Variants in RAB40C observed in about 807,000 individuals in gnomAD.
The protein encoded by RAB40C is ras-related protein Rab-40C.
RAB40C carries 8 observed loss-of-function variants against 28.1 expected under a neutral mutation model. That is an observed-to-expected ratio of 0.28 (90% CI 0.17 to 0.51). The LOEUF is 0.51. RAB40C is among the 20% of genes least tolerant of loss of function. The pLI is 0.97. For missense variants in RAB40C, 288 were observed against 405.9 expected (o/e 0.71, Z 2.50); for synonymous variants, 201 against 171.7 (o/e 1.17, Z -1.34).
chr16:595,956 A>G (rs1418399243), intron 1 of RAB40C, among the ~76,000 whole-genome samples: 1 of 152,236 alleles, frequency 6.6e-6, no homozygotes, highest in Non-Finnish European at 1.5e-5. Context: ...AATTTTCAGG[A>G]AACTGTTGAG....
At chr16:618,442 T>C (rs2036635647) in intron 3 of RAB40C, among the ~76,000 whole-genome samples, 182 bp downstream of exon 3, 2 of 152,232 alleles carry the variant, frequency 1.3e-5, no homozygotes, top group Non-Finnish European at 2.9e-5. Context: ...CAGGCTGGAG[T>C]ACAGTGGCAC....
intron 1 of RAB40C, among the ~76,000 whole-genome samples, chr16:595,311 A>T (rs962173066): frequency 6.6e-6 from 1 of 152,110 alleles, no homozygotes; most frequent in Non-Finnish European, 1.5e-5. Flanking sequence ...CAGACGAGGG[A>T]TTGAGGCTCA....
intron 1 of RAB40C, among the ~76,000 whole-genome samples, chr16:612,762 C>CA (rs1279104912): frequency 2.1e-4 from 3 of 14,028 alleles, no homozygotes; most frequent in African/African-American, 4.6e-4. Context: ...GAATCAAGAG[C>CA]AGGGACAGCC....
intron 1 of RAB40C, among the ~76,000 whole-genome samples, chr16:599,212 G>A (rs1406093485): frequency 1.3e-5 from 2 of 152,252 alleles, no homozygotes; most frequent in South Asian, 4.1e-4. Context: ...GGCCCCGGCC[G>A]AAGCTGCCAC....
At chr16:625,340 C>G in intron 3 of RAB40C, 92 bp from the exon 4 acceptor site, 2 of 1,546,918 alleles carry the variant, frequency 1.3e-6, no homozygotes, top group Non-Finnish European at 1.8e-6. Flanking sequence ...TGGCCCTGCC[C>G]GGGAACTGAG....
At chr16:601,001 C>T (rs1301802862) in intron 1 of RAB40C, among the ~76,000 whole-genome samples, 1 of 152,192 alleles carries the variant, frequency 6.6e-6, no homozygotes, top group African/African-American at 2.4e-5. Flanking sequence ...GAGCAGCCTG[C>T]CCCTCTGTCT....
chr16:618,089 C>G, intron 2 of RAB40C, 111 bp from the exon 3 acceptor site: 2 of 1,009,468 alleles, frequency 2.0e-6, no homozygotes, highest in South Asian at 1.4e-5. Flanking sequence ...GGCACCTGTC[C>G]TGGCCGCCCC....
intron 1 of RAB40C, among the ~76,000 whole-genome samples, chr16:611,277 G>T (rs1313832396): frequency 1.3e-5 from 2 of 152,180 alleles, no homozygotes; most frequent in African/African-American, 4.8e-5. Context: ...GCCATCTAGG[G>T]GTGGCCTAGG....
chr16:601,048 C>A (rs757177417), intron 1 of RAB40C, among the ~76,000 whole-genome samples: 1 of 152,194 alleles, frequency 6.6e-6, no homozygotes, highest in Non-Finnish European at 1.5e-5. Flanking sequence ...CTTGCAGAGC[C>A]ACCTCCTGGT....
intron 1 of RAB40C, among the ~76,000 whole-genome samples, chr16:615,595 C>T (rs2036569795): frequency 6.6e-6 from 1 of 152,162 alleles, no homozygotes; most frequent in Middle Eastern, 3.2e-3. Context: ...GTTAAGTGTC[C>T]AGAACTGTCT....
At chr16:613,150 G>A (rs1361342565) in intron 1 of RAB40C, among the ~76,000 whole-genome samples, 1 of 136,670 alleles carries the variant, frequency 7.3e-6, no homozygotes, top group Non-Finnish European at 1.6e-5. Context: ...AGCAGGGACA[G>A]CCGCCCTGGC....
chr16:591,111 C>T (rs928085988), intron 1 of RAB40C, among the ~76,000 whole-genome samples: 1 of 147,664 alleles, frequency 6.8e-6, no homozygotes, highest in South Asian at 2.2e-4. Context: ...CTGGGATCAT[C>T]TGGGGTCCGA....
chr16:624,410 G>T, intron 3 of RAB40C: 1 of 985,464 alleles, frequency 1.0e-6, no homozygotes, highest in African/African-American at 1.7e-5. Context: ...TGGCCTCGAA[G>T]GGTCTCCCTC....
At chr16:597,991 A>C (rs1452621812) in intron 1 of RAB40C, among the ~76,000 whole-genome samples, 1 of 150,716 alleles carries the variant, frequency 6.6e-6, no homozygotes, top group Non-Finnish European at 1.5e-5. Context: ...TCACACCTGT[A>C]ATTCCAGCAC....
chr16:608,934 G>A (rs900146453), intron 1 of RAB40C, among the ~76,000 whole-genome samples: 1 of 152,096 alleles, frequency 6.6e-6, no homozygotes, highest in African/African-American at 2.4e-5. Flanking sequence ...GGGCAACACA[G>A]CGAGACCCCT....
At chr16:601,904 G>A (rs2036260400) in intron 1 of RAB40C, among the ~76,000 whole-genome samples, 1 of 151,158 alleles carries the variant, frequency 6.6e-6, no homozygotes. Flanking sequence ...GAGGTGGGTG[G>A]ATCACGAGGT....
At chr16:627,282 T>A in intron 5 of RAB40C, 60 bp from the exon 6 acceptor site, 1 of 1,522,828 alleles carries the variant, frequency 6.6e-7, no homozygotes, top group East Asian at 2.3e-5. Flanking sequence ...ACCTCAGGTC[T>A]CCCTGCACAG....
chr16:592,218 C>T (rs1278071369), intron 1 of RAB40C, among the ~76,000 whole-genome samples: 1 of 152,270 alleles, frequency 6.6e-6, no homozygotes, highest in Non-Finnish European at 1.5e-5. Flanking sequence ...TCCTGTCTGA[C>T]TGCCCTGAGC....
Position 610,516 on chromosome 16 carries a change from T to G in RAB40C, c.143-6692T>G, listed in dbSNP as rs549157597. 3.3e-5 allele frequency among the ~76,000 whole-genome samples: 5 copies of G among 152,242 alleles called. No individual in the cohort carries two copies. The highest frequency in any genetic ancestry group is 2.6e-4 in the Admixed American group (4 of 15,294). On this transcript the variant is annotated intron_variant, in intron 1 of 5. Coordinates refer to ENST00000248139, the MANE Select transcript of RAB40C (RefSeq NM_021168.5). The surrounding 1 kb of genome is among the most constrained non-coding windows in gnomAD (Gnocchi z 4.6). Reference sequence around the variant, plus strand: ...GCCCTTGCCTTTTCACTGAGCCGGGTATTAGCTTAGCTTATTTTTGAAAAG... The same window carrying G: ...GCCCTTGCCTTTTCACTGAGCCGGGGATTAGCTTAGCTTATTTTTGAAAAG...
Sources: allele counts gnomAD v4.1 joint callset (sites outside exome capture counted in the v4.1 genomes callset), GRCh38; gene constraint gnomAD v4.1.1; non-coding constraint Gnocchi (gnomAD v3.1); transcripts MANE v1.5; gene names NCBI Gene and HGNC (gene_info 2026-07-23, HGNC 2026-07-21).